HS3ST5: variants seen among roughly 807,000 people sequenced by gnomAD.
The protein encoded by HS3ST5 is heparan sulfate-glucosamine 3-sulfotransferase 5.
Under a neutral mutation model 25.4 loss-of-function variants are expected in HS3ST5, and 10 were observed. The ratio of observed to expected loss-of-function variants is 0.39; its 90% CI spans 0.24 to 0.67. HS3ST5 has a LOEUF of 0.67. HS3ST5 is among the 30% of genes least tolerant of loss of function. The pLI is 0.44. For missense variants in HS3ST5, 324 were observed against 420.7 expected (o/e 0.77, Z 2.01); for synonymous variants, 170 against 162.4 (o/e 1.05, Z -0.36).
chr6:114,218,075 G>A (rs532611817), intron 2 of HS3ST5, among the ~76,000 whole-genome samples: 9 of 152,082 alleles, frequency 5.9e-5, no homozygotes, highest in East Asian at 3.9e-4. Flanking sequence ...TCGGCTCACC[G>A]CAACCTCCGC....
intron 1 of HS3ST5, among the ~76,000 whole-genome samples, chr6:114,284,768 A>T (rs1415822475): frequency 6.6e-6 from 1 of 151,996 alleles, no homozygotes; most frequent in African/African-American, 2.4e-5. Context: ...TAACACACAC[A>T]TGCACACCAC....
rs190064904 is a variant in HS3ST5 at position 114,154,566 on chromosome 6, A to G, written c.-33+13785T>C. Among the ~76,000 whole-genome samples the G allele has an allele frequency of 5.9e-5, 9 of 152,326 alleles. No individual in the cohort carries two copies. The East Asian group carries it at 7.7e-4, about 13-fold the overall frequency. ...AAACAATATTCATTGTAACTGTGAC[A>G]TATTTGAATAAATCCTTGAGGGGCT... On this transcript the variant is annotated intron_variant, in intron 3 of 4. Coordinates refer to ENST00000312719, the MANE Select transcript of HS3ST5 (RefSeq NM_153612.4).
At chr6:114,248,739 T>C (rs964022172) in intron 1 of HS3ST5, among the ~76,000 whole-genome samples, 11 of 152,320 alleles carry the variant, frequency 7.2e-5, no homozygotes, top group African/African-American at 2.6e-4. Flanking sequence ...TTCAGACAAC[T>C]TAATTATTTT....
intron 3 of HS3ST5, among the ~76,000 whole-genome samples, chr6:114,085,376 G>A (rs972409858): frequency 2.6e-5 from 4 of 152,076 alleles, no homozygotes; most frequent in African/African-American, 9.7e-5. Context: ...CACACATGCA[G>A]GATGAATCAG....
At chr6:114,113,792 CTTGG>C (rs1776385717) in intron 3 of HS3ST5, among the ~76,000 whole-genome samples, 1 of 151,610 alleles carries the variant, frequency 6.6e-6, no homozygotes. Context: ...CCAGAGTTAA[CTTGG>C]TTGAAGAAAG....
chr6:114,205,876 AG>A (rs1299805351), intron 2 of HS3ST5, among the ~76,000 whole-genome samples: 1 of 152,158 alleles, frequency 6.6e-6, no homozygotes, highest in Non-Finnish European at 1.5e-5. Context: ...CTGATCTGAC[AG>A]GAGGTGGAGC....
intron 1 of HS3ST5, among the ~76,000 whole-genome samples, chr6:114,276,636 A>C (rs1773869680): frequency 6.6e-6 from 1 of 151,612 alleles, no homozygotes; most frequent in Non-Finnish European, 1.5e-5. Context: ...AAAAACAAAA[A>C]AACTCTCAAA....
At chr6:114,099,770 T>C (rs771449386) in intron 3 of HS3ST5, among the ~76,000 whole-genome samples, 32 of 152,152 alleles carry the variant, frequency 2.1e-4, no homozygotes, top group Non-Finnish European at 1.6e-4. Context: ...AATAGCCTAA[T>C]ATTAGCGTCC....
chr6:114,060,552 C>T (rs896148664), intron 4 of HS3ST5, among the ~76,000 whole-genome samples: 1 of 152,130 alleles, frequency 6.6e-6, no homozygotes, highest in Non-Finnish European at 1.5e-5. Flanking sequence ...CATAAGGCAT[C>T]CATTGATGGA....
At chr6:114,222,565 CT>C (rs1419722909) in intron 2 of HS3ST5, among the ~76,000 whole-genome samples, 1 of 151,864 alleles carries the variant, frequency 6.6e-6, no homozygotes, top group Non-Finnish European at 1.5e-5. Context: ...TGGAAACTTA[CT>C]TTTTCTATTA....
intron 3 of HS3ST5, among the ~76,000 whole-genome samples, chr6:114,136,808 A>G (rs946204352): frequency 1.3e-5 from 2 of 152,200 alleles, no homozygotes; most frequent in Non-Finnish European, 2.9e-5. Context: ...AAATCATTCT[A>G]GACATTTTCA....
intron 1 of HS3ST5, among the ~76,000 whole-genome samples, chr6:114,297,102 G>C (rs1383234841): frequency 6.6e-6 from 1 of 152,126 alleles, no homozygotes; most frequent in African/African-American, 2.4e-5. Context: ...TCTCTTTATA[G>C]AGAGATGGAC....
At chr6:114,145,088 C>A (rs1178056669) in intron 3 of HS3ST5, among the ~76,000 whole-genome samples, 1 of 152,168 alleles carries the variant, frequency 6.6e-6, no homozygotes, top group Non-Finnish European at 1.5e-5. Context: ...GCTGACCTGA[C>A]CCTTACTTCT....
At chr6:114,201,246 A>T (rs1781001364) in intron 2 of HS3ST5, among the ~76,000 whole-genome samples, 1 of 152,200 alleles carries the variant, frequency 6.6e-6, no homozygotes. Flanking sequence ...GTTGTCAGGT[A>T]CAAAAACCTT....
chr6:114,318,753 T>C (rs922150573), intron 1 of HS3ST5, among the ~76,000 whole-genome samples: 4 of 152,186 alleles, frequency 2.6e-5, no homozygotes, highest in Non-Finnish European at 5.9e-5. Flanking sequence ...GGCAAGTAAA[T>C]GAACCTCTTG....
intron 3 of HS3ST5, among the ~76,000 whole-genome samples, chr6:114,080,586 A>G (rs891060954): frequency 2.6e-5 from 4 of 152,336 alleles, no homozygotes; most frequent in East Asian, 3.9e-4. Flanking sequence ...CATATACACT[A>G]TGGAATAGTA....
At chr6:114,067,316 G>C (rs1346964930) in intron 3 of HS3ST5, among the ~76,000 whole-genome samples, 1 of 152,206 alleles carries the variant, frequency 6.6e-6, no homozygotes, top group Non-Finnish European at 1.5e-5. Flanking sequence ...GCTTTTGCAT[G>C]TAGGGGTGAG....
intron 3 of HS3ST5, among the ~76,000 whole-genome samples, chr6:114,066,449 C>G (rs762600710): frequency 2.6e-5 from 4 of 152,152 alleles, no homozygotes; most frequent in Non-Finnish European, 4.4e-5. Flanking sequence ...GCTTGGACAA[C>G]ATGGTGAAAC....
chr6:114,071,257 G>A (rs114058497), intron 3 of HS3ST5, among the ~76,000 whole-genome samples: 1,852 of 152,296 alleles, frequency 0.012, 35 homozygotes, highest in African/African-American at 0.042. Flanking sequence ...CTGCTGTGAG[G>A]AGTAAATGGG....
Sources: gnomAD v4.1 joint callset for allele counts (sites outside exome capture counted in the v4.1 genomes callset) on GRCh38, gnomAD v4.1.1 for gene constraint, MANE v1.5 for transcripts, NCBI Gene and HGNC (gene_info 2026-07-23, HGNC 2026-07-21) for gene names.